The following EMC4 variants were observed in gnomAD, a reference collection of about 807,000 sequenced individuals.
The protein encoded by EMC4 is ER membrane protein complex subunit 4.
In EMC4, 9 loss-of-function variants were observed where a neutral mutation model predicts 24.2. The observed-to-expected ratio is 0.37, with a 90% CI of 0.22 to 0.65. The LOEUF (loss-of-function observed/expected upper bound fraction) is 0.65. EMC4 is among the 30% of genes least tolerant of loss of function. The pLI, the probability that EMC4 is intolerant of heterozygous loss-of-function variation, is 0.59. For missense variants in EMC4, 169 were observed against 234.6 expected (o/e 0.72, Z 1.83); for synonymous variants, 86 against 81.1 (o/e 1.06, Z -0.32).
chr15:34,225,027 G>C lies in EMC4; in HGVS notation c.-88G>C. On this transcript the variant is annotated 5_prime_UTR_variant, in exon 1 of 5. Transcript: ENST00000267750. ...CACGCGCCGGAAGTGCATTTGCAGAGTGAGACAAAGCGGAGAACGCTGGTG... is the reference window on the plus strand; with the variant it reads ...CACGCGCCGGAAGTGCATTTGCAGACTGAGACAAAGCGGAGAACGCTGGTG... 1 of 1,124,044 alleles carries C rather than the reference G, an allele frequency of 8.9e-7. No individual in the cohort carries two copies. Among genetic ancestry groups the C allele is most frequent in the Non-Finnish European group, 1.3e-6 (1 of 758,530 alleles). 69.6% of individuals were successfully genotyped at this position (1,124,044 alleles called of 1,614,324 possible).
intron 2 of EMC4, chr15:34,227,487 A>G (rs912798726): frequency 1.2e-5 from 6 of 490,318 alleles, no homozygotes; most frequent in Non-Finnish European, 3.7e-6. Flanking sequence ...AGGGAAAGGC[A>G]TAACAGATGG....
chr15:34,230,126 A>G lies in EMC4; in HGVS notation c.*338A>G, dbSNP rs557606663. 2.4e-4 allele frequency: 70 copies of G among 293,990 alleles called. No individual in the cohort carries two copies. The highest frequency in any genetic ancestry group is 3.9e-4 in the Non-Finnish European group (62 of 160,048). The allele number at this position is 293,990 out of a possible 1,614,324, so 18.2% of individuals were successfully genotyped here. The stretch of plus-strand genomic sequence containing the variant: ...CTGTTGCAGCATCTCCTTTCAATAA[A>G]TTAAATGGTTGAGAACAATGCATAA... On this transcript the variant is annotated 3_prime_UTR_variant, in exon 5 of 5. Transcript: ENST00000267750.
At position 34,225,663 on chromosome 15, in the gene EMC4, A is replaced by G. The variant is rs750478575; in HGVS notation, c.201+13A>G. 3 of 1,602,028 alleles carry G rather than the reference A, an allele frequency of 1.9e-6. No individual in the cohort carries two copies. The highest frequency in any genetic ancestry group is 2.2e-5 in the East Asian group (1 of 44,822). On this transcript the variant is annotated intron_variant, in intron 2 of 4. Transcript: ENST00000267750. The stretch of plus-strand genomic sequence containing the variant: ...CCTGGTGGAGAAGGTACAGAGGTAT[A>G]GATGTTACCGTAGCCCATGGGCCAG...
At chr15:34,225,890 G>T in intron 2 of EMC4, 1 of 520,716 alleles carries the variant, frequency 1.9e-6, no homozygotes, top group Non-Finnish European at 3.6e-6. Flanking sequence ...TCTTTTGGTG[G>T]CAACATCTTC....
At position 34,229,846 on chromosome 15, in the gene EMC4, A is replaced by T; in HGVS notation, c.*58A>T. The T allele has an allele frequency of 6.4e-7, 1 of 1,554,238 alleles. No homozygotes were observed. Among genetic ancestry groups the T allele is most frequent in the Non-Finnish European group, 8.9e-7 (1 of 1,125,576 alleles). On this transcript the variant is annotated 3_prime_UTR_variant, in exon 5 of 5. Transcript: ENST00000267750. The stretch of plus-strand genomic sequence containing the variant: ...TTGGGTCTTATTTACATCCTTCTTT[A>T]AGCCCAGTGGCTCCTCAGCATACTC...
Position 34,229,945 on chromosome 15 carries a change from A to T in EMC4, c.*157A>T. ...TGGTGGGGTGACAGGTCCTAGAAGGACAATGTGCATATTACGACAAACACA... is the reference window on the plus strand; with the variant it reads ...TGGTGGGGTGACAGGTCCTAGAAGGTCAATGTGCATATTACGACAAACACA... On this transcript the variant is annotated 3_prime_UTR_variant, in exon 5 of 5. Transcript: ENST00000267750. 1 of 706,384 alleles carries T rather than the reference A, an allele frequency of 1.4e-6. No homozygotes were observed. Among genetic ancestry groups the T allele is most frequent in the East Asian group, 2.7e-5 (1 of 37,332 alleles). The allele number at this position is 706,384 out of a possible 1,614,324, so 43.8% of individuals were successfully genotyped here. A position where few individuals can be genotyped will look rare whatever the true frequency, so the allele number is the denominator to read the frequency against.
chr15:34,228,044 G>A (rs772586119), intron 3 of EMC4, 198 bp downstream of exon 3: 11 of 511,856 alleles, frequency 2.1e-5, no homozygotes, highest in African/African-American at 3.8e-5. Flanking sequence ...TTAGCTGGGC[G>A]TGGTGGCACA....
chr15:34,225,057 T>G lies in EMC4; in HGVS notation c.-58T>G. ...ACAAAGCGGAGAACGCTGGTGGGCC[T>G]GTTGTGGAGTACGCTTTGGACTGAG... On this transcript the variant is annotated 5_prime_UTR_variant, in exon 1 of 5. Transcript: ENST00000267750. The G allele has an allele frequency of 8.0e-6, 11 of 1,382,476 alleles. No homozygotes were observed. Among genetic ancestry groups the G allele is most frequent in the Non-Finnish European group, 1.1e-5 (11 of 992,484 alleles). The allele number at this position is 1,382,476 out of a possible 1,614,324, so 85.6% of individuals were successfully genotyped here. A position where few individuals can be genotyped will look rare whatever the true frequency, so the allele number is the denominator to read the frequency against.
At chr15:34,227,925 A>G in intron 3 of EMC4, 79 bp downstream of exon 3, 1 of 1,493,476 alleles carries the variant, frequency 6.7e-7, no homozygotes, top group Non-Finnish European at 9.2e-7. Context: ...TCACGCCTGT[A>G]ATCCCAGCAC....
intron 4 of EMC4, 51 bp from the exon 5 acceptor site, chr15:34,229,702 T>C: frequency 9.8e-7 from 1 of 1,022,220 alleles, no homozygotes; most frequent in Middle Eastern, 2.1e-4. Flanking sequence ...CAGGAAGTTA[T>C]TTTAACACTC....
rs1245754413 is a variant in EMC4, at chr15:34,228,526, C to T, written c.453C>T (p.Cys151=). Residue 151 remains cysteine (C), a synonymous_variant, in exon 4 of 5, where the codon TGC becomes TGT. Transcript: ENST00000267750. ...LMGLALAVYK[C]QSMGLLPTHA... is the part of the protein sequence containing the mutation. Reference sequence around the variant, plus strand: ...GTTTGGCATTGGCTGTTTACAAGTGCCAGTCCATGGGACTGTTACCTACAC... The same window carrying T: ...GTTTGGCATTGGCTGTTTACAAGTGTCAGTCCATGGGACTGTTACCTACAC... 6.2e-7 allele frequency: 1 copy of T among 1,613,970 alleles called. No homozygotes were observed. The highest frequency in any genetic ancestry group is 1.3e-5 in the African/African-American group (1 of 74,966).
At chr15:34,229,031 ATTATTT>A (rs1487317872) in intron 4 of EMC4, 7 of 165,564 alleles carry the variant, frequency 4.2e-5, no homozygotes, top group African/African-American at 1.7e-4. Flanking sequence ...TTTTTAAGTT[ATTATTT>A]TTAATTAATT....
rs779167922 is a variant in EMC4 at position 34,229,871 on chromosome 15, C to T, written c.*83C>T. The T allele has an allele frequency of 6.6e-5, 84 of 1,264,070 alleles. No individual in the cohort carries two copies. The highest frequency in any genetic ancestry group is 9.6e-5 in the Non-Finnish European group (83 of 862,334). The allele number at this position is 1,264,070 out of a possible 1,614,324, so 78.3% of individuals were successfully genotyped here. ...AAGCCCAGTGGCTCCTCAGCATACTCTTAAACTAATCACTTATGTTAAAAA... is the reference window on the plus strand; with the variant it reads ...AAGCCCAGTGGCTCCTCAGCATACTTTTAAACTAATCACTTATGTTAAAAA... On this transcript the variant is annotated 3_prime_UTR_variant, in exon 5 of 5. Transcript: ENST00000267750.
chr15:34,230,034 C>A lies in EMC4; in HGVS notation c.*246C>A. 1 of 474,480 alleles carries A rather than the reference C, an allele frequency of 2.1e-6. No homozygotes were observed. The highest frequency in any genetic ancestry group is 3.7e-6 in the Non-Finnish European group (1 of 269,608). 29.4% of individuals were successfully genotyped at this position (474,480 alleles called of 1,614,324 possible). ...GAAAACTTTATTTTTGTTTCCAGTA[C>A]AGAGCAAAACAACAACAAAAAAACA... On this transcript the variant is annotated 3_prime_UTR_variant, in exon 5 of 5. Transcript: ENST00000267750.
chr15:34,225,405 C>A, intron 1 of EMC4, 131 bp from the exon 2 acceptor site: 2 of 828,290 alleles, frequency 2.4e-6, no homozygotes, highest in Non-Finnish European at 4.0e-6. Flanking sequence ...GACTGAGGAA[C>A]ATACGAGGGG....
chr15:34,225,449 T>G lies in EMC4; in HGVS notation c.87-87T>G. The G allele has an allele frequency of 1.0e-5, 11 of 1,063,390 alleles. No homozygotes were observed. The South Asian group carries it at 1.5e-4, about 14-fold the overall frequency. 65.9% of individuals were successfully genotyped at this position (1,063,390 alleles called of 1,614,324 possible). A position where few individuals can be genotyped will look rare whatever the true frequency, so the allele number is the denominator to read the frequency against. Reference sequence around the variant, plus strand: ...TAATCTGAGTAGGTGCATCTGAAGATCTTTATTCCTATGATTGGTAGATCA... The same window carrying G: ...TAATCTGAGTAGGTGCATCTGAAGAGCTTTATTCCTATGATTGGTAGATCA... On this transcript the variant is annotated intron_variant, in intron 1 of 4. Coordinates refer to ENST00000267750, the MANE Select transcript of EMC4 (RefSeq NM_016454.4).
chr15:34,229,488 A>C, intron 4 of EMC4: 1 of 356,204 alleles, frequency 2.8e-6, no homozygotes, highest in Non-Finnish European at 5.1e-6. Flanking sequence ...GTGCACCCCA[A>C]TGGCTCGCTA....
At chr15:34,225,783 A>G (rs930955908) in intron 2 of EMC4, 133 bp downstream of exon 2, 5 of 744,156 alleles carry the variant, frequency 6.7e-6, no homozygotes, top group South Asian at 2.9e-5. Context: ...TGAGGCTGGT[A>G]TTTCGGTATT....
chr15:34,228,582 C>A lies in EMC4; in HGVS notation c.509C>A (p.Pro170His). The change falls in exon 4 of 5, where the codon CCC (proline) becomes CAC (histidine). Residue 170 changes from proline to histidine, a missense_variant. Transcript: ENST00000267750. ...TCGGATTGGTTAGCCTTCATTGAGC[C>A]CCCTGAGGTAAGGCAAAAGAAAAGC... is the stretch of plus-strand genomic sequence containing the variant. ...HASDWLAFIE[P>H]PERMEFSGGG... 6.2e-7 allele frequency: 1 copy of A among 1,611,908 alleles called. No homozygotes were observed. Among genetic ancestry groups the A allele is most frequent in the Non-Finnish European group, 8.5e-7 (1 of 1,179,448 alleles).
Sources: allele counts gnomAD v4.1 joint callset, GRCh38; gene constraint gnomAD v4.1.1; transcripts MANE v1.5; gene names NCBI Gene and HGNC (gene_info 2026-07-23, HGNC 2026-07-21).